Variants in CCBE1 observed in about 807,000 individuals in gnomAD.
CCBE1 encodes the protein collagen and calcium-binding EGF domain-containing protein 1.
CCBE1 carries 37 observed loss-of-function variants against 50.0 expected under a neutral mutation model. The ratio of observed to expected loss-of-function variants is 0.74; its 90% CI spans 0.57 to 0.97. CCBE1 has a LOEUF of 0.97. CCBE1 is among the 50% of genes least tolerant of loss of function. CCBE1 has a pLI of 0.00. For synonymous variants in CCBE1, 234 were observed against 203.7 expected (o/e 1.15, Z -1.27); for missense variants, 538 against 523.8 (o/e 1.03, Z -0.26).
intron 2 of CCBE1, among the ~76,000 whole-genome samples, chr18:59,611,590 CA>C (rs968793525): frequency 1.3e-5 from 2 of 151,864 alleles, no homozygotes; most frequent in Admixed American, 6.6e-5. Flanking sequence ...ACTAAAAATA[CA>C]AAAAAATAGC....
chr18:59,644,160 C>G (rs2054025996), intron 2 of CCBE1, among the ~76,000 whole-genome samples: 1 of 152,218 alleles, frequency 6.6e-6, no homozygotes, highest in Admixed American at 6.5e-5. Flanking sequence ...AAGGAACCCA[C>G]AACCTAGGTC....
intron 2 of CCBE1, among the ~76,000 whole-genome samples, chr18:59,674,249 G>A (rs561400816): frequency 6.6e-6 from 1 of 152,254 alleles, no homozygotes; most frequent in African/African-American, 2.4e-5. Flanking sequence ...TGACAGACTG[G>A]ATAAAGAAAA....
At chr18:59,459,486 T>C (rs1911358799) in intron 5 of CCBE1, among the ~76,000 whole-genome samples, 1 of 152,226 alleles carries the variant, frequency 6.6e-6, no homozygotes, top group Non-Finnish European at 1.5e-5. Context: ...AAGCCTAGGA[T>C]GGTATCACTT....
intron 2 of CCBE1, among the ~76,000 whole-genome samples, chr18:59,583,676 T>C (rs200729894): frequency 5.8e-5 from 4 of 68,884 alleles, no homozygotes; most frequent in Non-Finnish European, 8.9e-5. Context: ...TGTGTGTGTG[T>C]GTGTGCGCGC....
At chr18:59,561,164 T>C (rs906334054) in intron 2 of CCBE1, among the ~76,000 whole-genome samples, 4 of 152,244 alleles carry the variant, frequency 2.6e-5, no homozygotes, top group African/African-American at 9.6e-5. Flanking sequence ...GTAACTCCTA[T>C]GGTAATCTGC....
chr18:59,665,509 C>T (rs1273485656), intron 2 of CCBE1, among the ~76,000 whole-genome samples: 2 of 152,090 alleles, frequency 1.3e-5, no homozygotes, highest in East Asian at 3.9e-4. Flanking sequence ...AGGGGTACAC[C>T]ACATCATTTT....
intron 2 of CCBE1, among the ~76,000 whole-genome samples, chr18:59,581,045 C>CA (rs773304655): frequency 6.6e-6 from 1 of 152,196 alleles, no homozygotes; most frequent in Non-Finnish European, 1.5e-5. Flanking sequence ...ACTGAAGTGA[C>CA]AACTTTTCAT....
intron 6 of CCBE1, among the ~76,000 whole-genome samples, chr18:59,449,167 T>A (rs1910815388): frequency 6.6e-6 from 1 of 152,210 alleles, no homozygotes; most frequent in Non-Finnish European, 1.5e-5. Context: ...GCCCTGCCAC[T>A]TTCTACCTGT....
intron 2 of CCBE1, among the ~76,000 whole-genome samples, chr18:59,693,299 A>G (rs1042391141): frequency 6.6e-6 from 1 of 152,042 alleles, no homozygotes; most frequent in African/African-American, 2.4e-5. Flanking sequence ...GTAATGCAAA[A>G]TTTTTTAAAT....
intron 2 of CCBE1, among the ~76,000 whole-genome samples, chr18:59,566,662 C>T (rs1044789850): frequency 6.6e-6 from 1 of 152,112 alleles, no homozygotes; most frequent in East Asian, 1.9e-4. Flanking sequence ...GCAAATGCTG[C>T]TAATCTTATC....
chr18:59,539,332 A>T (rs1320821593), intron 2 of CCBE1, among the ~76,000 whole-genome samples: 1 of 152,186 alleles, frequency 6.6e-6, no homozygotes, highest in Non-Finnish European at 1.5e-5. Flanking sequence ...ATTTCAAGGA[A>T]CTGAGAGTGG....
chr18:59,447,146 T>A (rs1362018769), intron 7 of CCBE1, among the ~76,000 whole-genome samples: 1 of 152,214 alleles, frequency 6.6e-6, no homozygotes, highest in Non-Finnish European at 1.5e-5. Context: ...GTATACTGAA[T>A]GAAAGAAGCT....
intron 6 of CCBE1, among the ~76,000 whole-genome samples, chr18:59,450,166 T>C (rs1400358455): frequency 2.0e-5 from 3 of 152,216 alleles, no homozygotes; most frequent in African/African-American, 7.2e-5. Flanking sequence ...TATCTCATAT[T>C]AGCCTTTGTG....
intron 2 of CCBE1, among the ~76,000 whole-genome samples, chr18:59,689,695 T>TGGC (rs2054703880): frequency 6.6e-6 from 1 of 152,262 alleles, no homozygotes; most frequent in South Asian, 2.1e-4. Context: ...AACATGATGC[T>TGGC]GGCCTAGGTG....
chr18:59,497,430 A>G (rs972130873), intron 2 of CCBE1, among the ~76,000 whole-genome samples: 3 of 152,194 alleles, frequency 2.0e-5, no homozygotes, highest in Non-Finnish European at 4.4e-5. Context: ...GAAAATACCC[A>G]AGACATCAAA....
intron 2 of CCBE1, among the ~76,000 whole-genome samples, chr18:59,581,949 G>A (rs1374435757): frequency 6.6e-6 from 1 of 152,126 alleles, no homozygotes; most frequent in Non-Finnish European, 1.5e-5. Flanking sequence ...TCTTGTTGCT[G>A]ACAATCCTAA....
At chr18:59,470,744 T>G (rs1169910060) in intron 3 of CCBE1, among the ~76,000 whole-genome samples, 3 of 152,188 alleles carry the variant, frequency 2.0e-5, no homozygotes, top group Non-Finnish European at 4.4e-5. Context: ...CAGCACCTCA[T>G]TAATCCTTGC....
chr18:59,515,112 GCAA>G (rs940247581), intron 2 of CCBE1, among the ~76,000 whole-genome samples: 3 of 152,202 alleles, frequency 2.0e-5, no homozygotes, highest in African/African-American at 7.2e-5. Flanking sequence ...GTGCAGAGGT[GCAA>G]CAACAAGAAG....
intron 2 of CCBE1, among the ~76,000 whole-genome samples, chr18:59,542,763 TC>T (rs150731123): frequency 0.014 from 2,150 of 152,250 alleles, 42 homozygotes; most frequent in African/African-American, 0.048. Flanking sequence ...CATCCTTTCC[TC>T]CCCGCAGGCA....
Sources: allele counts gnomAD v4.1 joint callset (sites outside exome capture counted in the v4.1 genomes callset), GRCh38; gene constraint gnomAD v4.1.1; transcripts MANE v1.5; gene names NCBI Gene and HGNC (gene_info 2026-07-23, HGNC 2026-07-21).